The following MOB3B variants were observed in gnomAD, a reference collection of about 807,000 sequenced individuals.
The protein encoded by MOB3B is MOB kinase activator 3B, also known as MOB kinase activator-like 2B.
In MOB3B, 7 loss-of-function variants were observed where a neutral mutation model predicts 18.7. The observed-to-expected ratio is 0.37, with a 90% CI of 0.21 to 0.70. MOB3B has a LOEUF of 0.70. Among genes scored for constraint, MOB3B ranks in the 30% least tolerant of loss-of-function variants. MOB3B has a pLI of 0.52. For synonymous variants in MOB3B, 111 were observed against 99.9 expected (o/e 1.11, Z -0.66); for missense variants, 253 against 281.3 (o/e 0.90, Z 0.72).
chr9:27,474,607 T>C (rs970758903), intron 1 of MOB3B, among the ~76,000 whole-genome samples: 3 of 152,168 alleles, frequency 2.0e-5, no homozygotes, highest in African/African-American at 7.2e-5. Flanking sequence ...GCAAGACACA[T>C]AGCTACTTCC....
chr9:27,477,834 G>T (rs1416307636), intron 1 of MOB3B, among the ~76,000 whole-genome samples: 1 of 152,222 alleles, frequency 6.6e-6, no homozygotes, highest in East Asian at 1.9e-4. Flanking sequence ...GCTGCTTAGG[G>T]GTTTAGGGCT....
intron 1 of MOB3B, among the ~76,000 whole-genome samples, chr9:27,501,629 T>C (rs868595396): frequency 1.3e-4 from 20 of 148,906 alleles, no homozygotes; most frequent in Middle Eastern, 6.9e-3. Context: ...AAGGATAGCA[T>C]TGGGATAAAT....
intron 1 of MOB3B, among the ~76,000 whole-genome samples, chr9:27,518,087 A>G (rs148023542): frequency 6.2e-4 from 95 of 152,310 alleles, no homozygotes; most frequent in Non-Finnish European, 9.7e-4. Context: ...CAGGCTAAGT[A>G]AGGCCAACTT....
chr9:27,459,285 C>G (rs1229450528), intron 1 of MOB3B, among the ~76,000 whole-genome samples: 3 of 152,166 alleles, frequency 2.0e-5, no homozygotes, highest in Non-Finnish European at 4.4e-5. Context: ...CCAATGTGAA[C>G]TCAGGGATCT....
chr9:27,354,320 A>G (rs1030914625), intron 3 of MOB3B, among the ~76,000 whole-genome samples: 2 of 152,220 alleles, frequency 1.3e-5, no homozygotes, highest in African/African-American at 4.8e-5. Context: ...TTTCACTGCT[A>G]AAACAGAGAG....
chr9:27,376,614 T>C (rs1430744767), intron 2 of MOB3B, among the ~76,000 whole-genome samples: 6 of 152,240 alleles, frequency 3.9e-5, no homozygotes, highest in African/African-American at 1.4e-4. Context: ...AGAATGGCAG[T>C]GTCTCACACT....
intron 2 of MOB3B, among the ~76,000 whole-genome samples, chr9:27,417,755 G>A (rs1224514609): frequency 1.3e-5 from 2 of 152,078 alleles, no homozygotes; most frequent in Non-Finnish European, 2.9e-5. Flanking sequence ...ACCCTCTGGG[G>A]TTAGAAAATA....
intron 1 of MOB3B, among the ~76,000 whole-genome samples, chr9:27,471,130 C>T (rs1363287677): frequency 6.6e-6 from 1 of 152,108 alleles, no homozygotes; most frequent in African/African-American, 2.4e-5. Flanking sequence ...CAGACTCTAG[C>T]ATCCCACCCC....
At chr9:27,346,713 G>C (rs1821034878) in intron 3 of MOB3B, among the ~76,000 whole-genome samples, 1 of 152,160 alleles carries the variant, frequency 6.6e-6, no homozygotes, top group African/African-American at 2.4e-5. Flanking sequence ...TACCATTAGA[G>C]GCCGGGTGCG....
chr9:27,528,202 G>T (rs1820466624), intron 1 of MOB3B, among the ~76,000 whole-genome samples: 1 of 152,130 alleles, frequency 6.6e-6, no homozygotes, highest in Non-Finnish European at 1.5e-5. Flanking sequence ...TCTCTTTTTG[G>T]CGACTAGCCT....
At chr9:27,529,041 A>T (rs1264649793) in intron 1 of MOB3B, among the ~76,000 whole-genome samples, 1 of 152,010 alleles carries the variant, frequency 6.6e-6, no homozygotes, top group East Asian at 1.9e-4. Context: ...CCCGGGGGCG[A>T]CCTGGCTGAC....
intron 1 of MOB3B, among the ~76,000 whole-genome samples, chr9:27,482,764 C>CACCA (rs1298799415): frequency 6.6e-6 from 1 of 152,170 alleles, no homozygotes; most frequent in African/African-American, 2.4e-5. Flanking sequence ...ATAAGGAATG[C>CACCA]ACCACATGGC....
chr9:27,503,494 C>G (rs1587263661), intron 1 of MOB3B, among the ~76,000 whole-genome samples: 1 of 152,232 alleles, frequency 6.6e-6, no homozygotes, highest in Non-Finnish European at 1.5e-5. Flanking sequence ...GGCCACTGTC[C>G]TAGAAGGCGG....
chr9:27,489,004 C>A (rs1208982307), intron 1 of MOB3B, among the ~76,000 whole-genome samples: 4 of 152,184 alleles, frequency 2.6e-5, no homozygotes, highest in Non-Finnish European at 5.9e-5. Context: ...CATGATGTTT[C>A]AAGTGATAAT....
At chr9:27,338,315 T>C (rs1182639051) in intron 3 of MOB3B, among the ~76,000 whole-genome samples, 2 of 152,068 alleles carry the variant, frequency 1.3e-5, no homozygotes, top group South Asian at 2.1e-4. Flanking sequence ...GGGTGAAGCT[T>C]ACAAGCCACG....
intron 2 of MOB3B, chr9:27,397,189 C>T (rs1370562096): frequency 6.6e-6 from 1 of 152,048 alleles, no homozygotes; most frequent in East Asian, 1.9e-4. Flanking sequence ...AGAAATGCCT[C>T]ATACTATTTC....
chr9:27,464,773 A>G (rs1202804342), intron 1 of MOB3B, among the ~76,000 whole-genome samples: 2 of 152,174 alleles, frequency 1.3e-5, no homozygotes, highest in Admixed American at 6.5e-5. Flanking sequence ...CACTTCTTAC[A>G]TGGCAGCAGC....
chr9:27,344,387 CCTT>C (rs1175537009), intron 3 of MOB3B, among the ~76,000 whole-genome samples: 2 of 152,170 alleles, frequency 1.3e-5, no homozygotes, highest in Non-Finnish European at 2.9e-5. Context: ...AGAATAATCT[CCTT>C]CTTTTAATGC....
At chr9:27,476,859 G>T (rs1311526524) in intron 1 of MOB3B, among the ~76,000 whole-genome samples, 1 of 152,196 alleles carries the variant, frequency 6.6e-6, no homozygotes. Context: ...AGCATGGCAG[G>T]CATAGTGATG....
Sources: allele counts gnomAD v4.1 joint callset (sites outside exome capture counted in the v4.1 genomes callset), GRCh38; gene constraint gnomAD v4.1.1; transcripts MANE v1.5; gene names NCBI Gene and HGNC (gene_info 2026-07-23, HGNC 2026-07-21).